Variants in CDH18 observed in about 807,000 individuals in gnomAD.
The protein encoded by CDH18 is cadherin 18.
A neutral mutation model predicts 67.9 loss-of-function variants in CDH18; 31 were observed. That is an observed-to-expected ratio of 0.46 (90% confidence interval 0.34 to 0.62). The LOEUF (loss-of-function observed/expected upper bound fraction) is 0.62. CDH18 is among the 20% of genes least tolerant of loss of function. CDH18 has a pLI of 0.01. For missense variants in CDH18, 890 were observed against 975.5 expected (o/e 0.91, Z 1.17); for synonymous variants, 362 against 347.2 (o/e 1.04, Z -0.48).
chr5:19,766,756 A>G (rs541830142), intron 3 of CDH18, among the ~76,000 whole-genome samples: 1 of 152,166 alleles, frequency 6.6e-6, no homozygotes, highest in South Asian at 2.1e-4. Flanking sequence ...ATCCCCTTCA[A>G]ACTAGATAGT....
At chr5:20,488,700 T>TAC (rs1554008519) in intron 1 of CDH18, among the ~76,000 whole-genome samples, 43,340 of 136,736 alleles carry the variant, frequency 0.32, 7,445 homozygotes, top group East Asian at 0.55. Flanking sequence ...TATATATATA[T>TAC]ACACACACAT....
chr5:20,033,306 A>C (rs1580084329), intron 2 of CDH18, among the ~76,000 whole-genome samples: 1 of 152,184 alleles, frequency 6.6e-6, no homozygotes, highest in South Asian at 2.1e-4. Context: ...GTGGACCACA[A>C]AAATCAGAGA....
intron 2 of CDH18, among the ~76,000 whole-genome samples, chr5:20,175,224 G>T (rs1737138311): frequency 6.6e-6 from 1 of 151,892 alleles, no homozygotes; most frequent in African/African-American, 2.4e-5. Flanking sequence ...AACAGAGAGA[G>T]GAAAGAGAGC....
At chr5:19,576,767 C>T (rs1326720675) in intron 7 of CDH18, among the ~76,000 whole-genome samples, 1 of 152,098 alleles carries the variant, frequency 6.6e-6, no homozygotes, top group Admixed American at 6.6e-5. Context: ...ACATCAGTAT[C>T]CCAAAGACAT....
chr5:20,210,465 G>C (rs1040715753), intron 2 of CDH18, among the ~76,000 whole-genome samples: 1 of 151,784 alleles, frequency 6.6e-6, no homozygotes, highest in Admixed American at 6.6e-5. Flanking sequence ...AATTTTATTT[G>C]TTGTAATTTT....
At chr5:20,252,185 T>G (rs577488488) in intron 2 of CDH18, among the ~76,000 whole-genome samples, 1 of 152,028 alleles carries the variant, frequency 6.6e-6, no homozygotes, top group African/African-American at 2.4e-5. Context: ...ACCCCCTTTC[T>G]ACTAAAAATA....
intron 1 of CDH18, among the ~76,000 whole-genome samples, chr5:20,409,774 G>T (rs1477342820): frequency 1.3e-5 from 2 of 151,330 alleles, no homozygotes; most frequent in Non-Finnish European, 3.0e-5. Context: ...GAATAAAAAA[G>T]AAAAGAGAAA....
At chr5:19,566,157 T>A (rs2149908187) in intron 8 of CDH18, among the ~76,000 whole-genome samples, 1 of 152,232 alleles carries the variant, frequency 6.6e-6, no homozygotes, top group Admixed American at 6.5e-5. Flanking sequence ...GAAATGCCTA[T>A]CAAAACTACA....
chr5:19,615,405 G>T (rs1260331459), intron 5 of CDH18, among the ~76,000 whole-genome samples: 2 of 151,978 alleles, frequency 1.3e-5, no homozygotes, highest in African/African-American at 4.8e-5. Flanking sequence ...AGCAATTTTA[G>T]GTCCTTTCAC....
chr5:20,099,721 G>A (rs554415172), intron 2 of CDH18, among the ~76,000 whole-genome samples: 1 of 152,254 alleles, frequency 6.6e-6, no homozygotes, highest in Non-Finnish European at 1.5e-5. Flanking sequence ...GAGATTGACT[G>A]AGTGTGTCTA....
intron 2 of CDH18, among the ~76,000 whole-genome samples, chr5:19,960,755 ATGTATATATGTATATATACACG>A (rs1449107554): frequency 2.5e-5 from 3 of 119,474 alleles, no homozygotes; most frequent in Non-Finnish European, 3.0e-5. Flanking sequence ...GTGTATATAT[ATGTATATATGTATATATACACG>A]TGTATATATA....
intron 2 of CDH18, among the ~76,000 whole-genome samples, chr5:20,014,421 C>A (rs1300213986): frequency 6.6e-6 from 1 of 151,888 alleles, no homozygotes; most frequent in African/African-American, 2.4e-5. Context: ...GAAAGTCTTC[C>A]TAGAAAAGAT....
At chr5:19,778,831 T>C (rs886195246) in intron 3 of CDH18, among the ~76,000 whole-genome samples, 2 of 152,300 alleles carry the variant, frequency 1.3e-5, no homozygotes, top group African/African-American at 4.8e-5. Flanking sequence ...ATCTCATCCC[T>C]GGACAGGAGA....
At chr5:20,563,316 C>G (rs1758322968) in intron 1 of CDH18, among the ~76,000 whole-genome samples, 1 of 151,952 alleles carries the variant, frequency 6.6e-6, no homozygotes, top group African/African-American at 2.4e-5. Context: ...CTGAAATTTA[C>G]AAGTTAAAAT....
intron 6 of CDH18, among the ~76,000 whole-genome samples, chr5:19,593,732 C>CTTTCCTTCTTCTTG (rs1554055011): frequency 7.7e-6 from 1 of 129,136 alleles, no homozygotes; most frequent in South Asian, 2.6e-4. Flanking sequence ...TCTTCTTCTT[C>CTTTCCTTCTTCTTG]TTCTTCTTCT....
chr5:19,625,256 T>C (rs1327185514), intron 5 of CDH18, among the ~76,000 whole-genome samples: 1 of 152,130 alleles, frequency 6.6e-6, no homozygotes, highest in Admixed American at 6.5e-5. Context: ...TGCCTTGTTT[T>C]GTATTGCCAT....
At chr5:20,253,388 A>G (rs1744004292) in intron 2 of CDH18, among the ~76,000 whole-genome samples, 1 of 152,152 alleles carries the variant, frequency 6.6e-6, no homozygotes, top group Admixed American at 6.5e-5. Flanking sequence ...CTAGATCCCC[A>G]GCAATGGAAC....
intron 1 of CDH18, among the ~76,000 whole-genome samples, chr5:20,450,773 C>T (rs1750384938): frequency 1.3e-5 from 2 of 152,134 alleles, no homozygotes; most frequent in South Asian, 4.1e-4. Flanking sequence ...AGTCTGTTCT[C>T]ATGATGCTAA....
At position 19,472,962 on chromosome 5, in the gene CDH18, C is replaced by G; in HGVS notation, c.*264G>C. Reference sequence around the variant, plus strand: ...GCTTAATTCAGGTATTCTTAATAAACAGTACCACAGACTTTATTGAGCAAT... The same window carrying G: ...GCTTAATTCAGGTATTCTTAATAAAGAGTACCACAGACTTTATTGAGCAAT... On this transcript the variant is annotated 3_prime_UTR_variant, in exon 13 of 13. Transcript: ENST00000382275. 1 of 342,484 alleles carries G rather than the reference C, an allele frequency of 2.9e-6. No individual in the cohort carries two copies. The allele number at this position is 342,484 out of a possible 1,614,324, so 21.2% of individuals were successfully genotyped here.
Sources: allele counts gnomAD v4.1 joint callset (sites outside exome capture counted in the v4.1 genomes callset), GRCh38; gene constraint gnomAD v4.1.1; transcripts MANE v1.5; gene names NCBI Gene and HGNC (gene_info 2026-07-23, HGNC 2026-07-21).